ZMAT4: variants seen among roughly 807,000 people sequenced by gnomAD.
ZMAT4 encodes zinc finger matrin-type 4.
In ZMAT4, 17 loss-of-function variants were observed where a neutral mutation model predicts 28.7. The observed-to-expected ratio is 0.59, with a 90% CI of 0.41 to 0.89. ZMAT4 has a LOEUF of 0.89. ZMAT4 is among the 40% of genes least tolerant of loss of function. The pLI is 0.00. For synonymous variants in ZMAT4, 117 were observed against 109.2 expected (o/e 1.07, Z -0.44); for missense variants, 240 against 283.8 (o/e 0.85, Z 1.11).
At chr8:40,544,595 CT>C (rs1195512271) in intron 6 of ZMAT4, among the ~76,000 whole-genome samples, 3 of 152,270 alleles carry the variant, frequency 2.0e-5, no homozygotes, top group Non-Finnish European at 4.4e-5. Context: ...GTGGGTATAA[CT>C]TTTTTTCTAG....
intron 5 of ZMAT4, among the ~76,000 whole-genome samples, chr8:40,614,691 G>A (rs958514738): frequency 2.6e-5 from 4 of 152,122 alleles, no homozygotes; most frequent in Non-Finnish European, 5.9e-5. Flanking sequence ...GGCCTTGTTT[G>A]TCTCTTTTGA....
At position 40,873,708 on chromosome 8, in the gene ZMAT4, C is replaced by T. The variant is rs570769430; in HGVS notation, c.-5+23975G>A. 3.1e-4 allele frequency among the ~76,000 whole-genome samples: 47 copies of T among 152,302 alleles called. No individual in the cohort carries two copies. In the South Asian group the frequency reaches 6.6e-3, roughly 21 times the overall value. On this transcript the variant is annotated intron_variant, in intron 1 of 6. Transcript: ENST00000297737. ...TCTAGATTCACAGGATCTGGTCAAA[C>T]AAGGTCACCCCACAAAGTAGTCCCA...
intron 3 of ZMAT4, among the ~76,000 whole-genome samples, chr8:40,754,764 C>T (rs1410249844): frequency 6.6e-6 from 1 of 152,136 alleles, no homozygotes; most frequent in African/African-American, 2.4e-5. Context: ...GTAATCCTAG[C>T]ACTTTGAGAG....
intron 6 of ZMAT4, among the ~76,000 whole-genome samples, chr8:40,580,292 A>G (rs60223317): frequency 9.2e-5 from 14 of 152,006 alleles, no homozygotes; most frequent in East Asian, 1.9e-4. Context: ...GACTACAGGC[A>G]TGAGCCACCG....
At chr8:40,762,433 T>C (rs775339292) in intron 3 of ZMAT4, among the ~76,000 whole-genome samples, 7 of 151,928 alleles carry the variant, frequency 4.6e-5, no homozygotes, top group Non-Finnish European at 8.8e-5. Flanking sequence ...GGTGGGAGGA[T>C]CACTCAAAGC....
chr8:40,799,101 GGATT>G (rs1461283480), intron 2 of ZMAT4, among the ~76,000 whole-genome samples: 3 of 145,860 alleles, frequency 2.1e-5, no homozygotes, highest in Non-Finnish European at 3.0e-5. Context: ...ATGGATGGAT[GGATT>G]AATAGAGAGA....
chr8:40,580,275 A>G (rs1355681842), intron 6 of ZMAT4, among the ~76,000 whole-genome samples: 1 of 151,854 alleles, frequency 6.6e-6, no homozygotes, highest in East Asian at 1.9e-4. Context: ...GCCTCCCAAA[A>G]TGCTGGGACT....
intron 3 of ZMAT4, among the ~76,000 whole-genome samples, chr8:40,755,536 T>C (rs1287258269): frequency 6.6e-6 from 1 of 152,144 alleles, no homozygotes; most frequent in Non-Finnish European, 1.5e-5. Context: ...CACTGCAACC[T>C]CCGCCTCCCG....
chr8:40,648,244 T>G (rs1387228039), intron 5 of ZMAT4, among the ~76,000 whole-genome samples: 3 of 151,860 alleles, frequency 2.0e-5, no homozygotes, highest in African/African-American at 7.3e-5. Flanking sequence ...CTGATGGAGC[T>G]GAAAACCAAG....
At chr8:40,816,319 G>A (rs977832872) in intron 2 of ZMAT4, among the ~76,000 whole-genome samples, 3 of 152,104 alleles carry the variant, frequency 2.0e-5, no homozygotes, top group African/African-American at 7.2e-5. Context: ...CTGCCAGCCC[G>A]AGTTCTAAAT....
chr8:40,685,608 A>ATT (rs5891112), intron 4 of ZMAT4, among the ~76,000 whole-genome samples: 8 of 151,922 alleles, frequency 5.3e-5, no homozygotes, highest in African/African-American at 1.7e-4. Flanking sequence ...ATTTTGAGGG[A>ATT]TTTTTTTTAG....
intron 1 of ZMAT4, among the ~76,000 whole-genome samples, chr8:40,829,255 T>C (rs1462115475): frequency 6.6e-6 from 1 of 152,170 alleles, no homozygotes; most frequent in Non-Finnish European, 1.5e-5. Context: ...GCCCAGCACA[T>C]TGCAAAGGCA....
At chr8:40,536,554 A>G (rs555305737) in intron 6 of ZMAT4, among the ~76,000 whole-genome samples, 2 of 152,154 alleles carry the variant, frequency 1.3e-5, no homozygotes, top group African/African-American at 2.4e-5. Context: ...TACTCCACCT[A>G]TCTGGATCAC....
At chr8:40,652,280 A>G (rs1213844344) in intron 5 of ZMAT4, among the ~76,000 whole-genome samples, 2 of 102,442 alleles carry the variant, frequency 2.0e-5, no homozygotes, top group Non-Finnish European at 4.2e-5. Context: ...AAGGACATGA[A>G]CAGACAATTC....
rs558189323 is a variant in ZMAT4, at chr8:40,552,957, C to A, written c.675-20719G>T. 2.1e-4 allele frequency among the ~76,000 whole-genome samples: 32 copies of A among 152,236 alleles called. No individual in the cohort carries two copies. The South Asian group carries it at 6.6e-3, about 32-fold the overall frequency. Reference sequence around the variant, plus strand: ...TGTTCCATTATTGGAAAGCTAAGCACGTGGGAGTTATTTATATCCTGCTGC... The same window carrying A: ...TGTTCCATTATTGGAAAGCTAAGCAAGTGGGAGTTATTTATATCCTGCTGC... On this transcript the variant is annotated intron_variant, in intron 6 of 6. Coordinates refer to ENST00000297737, the MANE Select transcript of ZMAT4 (RefSeq NM_024645.3).
intron 6 of ZMAT4, among the ~76,000 whole-genome samples, chr8:40,574,625 C>A (rs1460152373): frequency 6.6e-6 from 1 of 152,138 alleles, no homozygotes; most frequent in Non-Finnish European, 1.5e-5. Flanking sequence ...TGTTGATGTA[C>A]AGCAAAAAAT....
At position 40,629,115 on chromosome 8, in the gene ZMAT4, T is replaced by C. The variant is rs186398191; in HGVS notation, c.577+45589A>G. ...AATGTTATACTTCCATGATTCGACC[T>C]CTATCTTATTTTTTCCCTTCTTTTA... On this transcript the variant is annotated intron_variant, in intron 5 of 6. Coordinates refer to ENST00000297737, the MANE Select transcript of ZMAT4 (RefSeq NM_024645.3). Among the ~76,000 whole-genome samples the C allele has an allele frequency of 2.8e-3, 432 of 151,948 alleles. 4 individuals carry two copies. The highest frequency in any genetic ancestry group is 9.8e-3 in the African/African-American group (407 of 41,498).
intron 2 of ZMAT4, among the ~76,000 whole-genome samples, chr8:40,806,855 A>G (rs1815102986): frequency 6.6e-6 from 1 of 152,052 alleles, no homozygotes; most frequent in Non-Finnish European, 1.5e-5. Context: ...TACACAGTGT[A>G]GATGTTCAAA....
chr8:40,617,029 A>T (rs1806032722), intron 5 of ZMAT4, among the ~76,000 whole-genome samples: 1 of 152,166 alleles, frequency 6.6e-6, no homozygotes, highest in African/African-American at 2.4e-5. Flanking sequence ...ATCAAGAAAA[A>T]ATATCTCAGC....
Sources: allele counts gnomAD v4.1 joint callset (sites outside exome capture counted in the v4.1 genomes callset), GRCh38; gene constraint gnomAD v4.1.1; transcripts MANE v1.5; gene names NCBI Gene and HGNC (gene_info 2026-07-23, HGNC 2026-07-21).